Variants in GABRB1 observed in about 807,000 individuals in gnomAD.
The protein encoded by GABRB1 is gamma-aminobutyric acid type A receptor subunit beta1.
Under a neutral mutation model 51.6 loss-of-function variants are expected in GABRB1, and 17 were observed. The ratio of observed to expected loss-of-function variants is 0.33; its 90% confidence interval spans 0.23 to 0.49. The LOEUF is 0.49. GABRB1 is among the 20% of genes least tolerant of loss of function. The pLI is 0.99. For missense variants in GABRB1, 410 were observed against 600.6 expected, an observed-to-expected ratio of 0.68 and a Z score of 3.32; for synonymous variants, 247 against 218.9, an observed-to-expected ratio of 1.13 and a Z score of -1.14.
chr4:47,402,959 T>C (rs967659709), intron 5 of GABRB1, among the ~76,000 whole-genome samples: 3 of 152,240 alleles, frequency 2.0e-5, no homozygotes, highest in African/African-American at 7.2e-5. Flanking sequence ...TGTGCTATTG[T>C]TGTTGTTAAG....
chr4:47,286,667 G>A (rs568735758), intron 4 of GABRB1, among the ~76,000 whole-genome samples: 2 of 152,254 alleles, frequency 1.3e-5, no homozygotes, highest in East Asian at 1.9e-4. Context: ...AGCTTATGAG[G>A]TATAGGTAAA....
chr4:47,107,747 T>A (rs1462309925), intron 3 of GABRB1, among the ~76,000 whole-genome samples: 1 of 152,024 alleles, frequency 6.6e-6, no homozygotes, highest in Admixed American at 6.6e-5. Context: ...GGAAAATCAA[T>A]CTGGAGAAAA....
chr4:47,327,267 G>T (rs1051137021), intron 5 of GABRB1, among the ~76,000 whole-genome samples: 1 of 150,894 alleles, frequency 6.6e-6, no homozygotes, highest in Non-Finnish European at 1.5e-5. Flanking sequence ...GAGCTGGGAG[G>T]ATCACTTGAC....
intron 8 of GABRB1, among the ~76,000 whole-genome samples, chr4:47,421,147 A>T (rs921766124): frequency 6.6e-6 from 1 of 151,030 alleles, no homozygotes; most frequent in Middle Eastern, 3.2e-3. Flanking sequence ...TAGTTGCAGA[A>T]CTAGATCCAT....
intron 4 of GABRB1, among the ~76,000 whole-genome samples, chr4:47,173,501 T>A (rs915205290): frequency 2.0e-5 from 3 of 152,196 alleles, no homozygotes; most frequent in African/African-American, 7.2e-5. Flanking sequence ...CAAGGCTTAA[T>A]GGCACAAAAA....
intron 4 of GABRB1, among the ~76,000 whole-genome samples, chr4:47,173,540 T>C (rs143025176): frequency 1.1e-4 from 16 of 152,302 alleles, no homozygotes; most frequent in African/African-American, 3.4e-4. Context: ...ATTAAAATTA[T>C]TCATTAAATG....
At chr4:47,176,791 A>C (rs1391410138) in intron 4 of GABRB1, among the ~76,000 whole-genome samples, 3 of 152,170 alleles carry the variant, frequency 2.0e-5, no homozygotes, top group Non-Finnish European at 4.4e-5. Context: ...TGGACCATTC[A>C]TTCTTCATAA....
Position 47,408,563 on chromosome 4 carries a change from G to A in GABRB1, c.1080+1637G>A, listed in dbSNP as rs572534716. 3.5e-3 allele frequency among the ~76,000 whole-genome samples: 529 copies of A among 152,264 alleles called. 1 individual carries two copies. The highest frequency in any genetic ancestry group is 6.0e-3 in the Non-Finnish European group (411 of 68,014). Reference sequence around the variant, plus strand: ...CTTTGTGTGAGGCACTATGTTCAGCGCTATGGGGAGAGAAGTAGACAAGAT... The same window carrying A: ...CTTTGTGTGAGGCACTATGTTCAGCACTATGGGGAGAGAAGTAGACAAGAT... On this transcript the variant is annotated intron_variant, in intron 8 of 8. Coordinates refer to ENST00000295454, the MANE Select transcript of GABRB1 (RefSeq NM_000812.4).
chr4:47,297,438 C>T (rs1248505403), intron 4 of GABRB1, among the ~76,000 whole-genome samples: 1 of 151,638 alleles, frequency 6.6e-6, no homozygotes, highest in Non-Finnish European at 1.5e-5. Context: ...CACCACCAAT[C>T]CCACAGAAAT....
intron 3 of GABRB1, among the ~76,000 whole-genome samples, chr4:47,056,580 C>G (rs1244438835): frequency 6.6e-6 from 1 of 152,034 alleles, no homozygotes; most frequent in Non-Finnish European, 1.5e-5. Flanking sequence ...AATACACATA[C>G]AAATGGACAA....
intron 4 of GABRB1, among the ~76,000 whole-genome samples, chr4:47,203,239 T>C (rs1719960969): frequency 6.6e-6 from 1 of 152,176 alleles, no homozygotes; most frequent in Non-Finnish European, 1.5e-5. Context: ...TTTAGGGCAT[T>C]CAATGACTAT....
chr4:47,426,194 CA>C lies in GABRB1; in HGVS notation c.*186del, dbSNP rs111359296. On this transcript the variant is annotated 3_prime_UTR_variant, in exon 9 of 9. Coordinates refer to ENST00000295454, the MANE Select transcript of GABRB1 (RefSeq NM_000812.4). ...CCATGTTTACTTCAAAAAGACAAAA[CA>C]AAAAAAAAATTATTTTTCCAGTCTA... The C allele has an allele frequency of 3.7e-3, 1,684 of 449,926 alleles. 8 individuals carry two copies. The highest frequency in any genetic ancestry group is 0.013 in the African/African-American group (624 of 48,102). The allele number at this position is 449,926 out of a possible 1,614,324, so 27.9% of individuals were successfully genotyped here.
chr4:47,060,541 T>C (rs1209940944), intron 3 of GABRB1, among the ~76,000 whole-genome samples: 1 of 152,140 alleles, frequency 6.6e-6, no homozygotes, highest in African/African-American at 2.4e-5. Flanking sequence ...AGCAAATAAT[T>C]ATAAAGATAG....
chr4:47,383,201 G>A (rs1009695387), intron 5 of GABRB1, among the ~76,000 whole-genome samples: 1 of 152,154 alleles, frequency 6.6e-6, no homozygotes, highest in Non-Finnish European at 1.5e-5. Flanking sequence ...ATTCTAGAGA[G>A]GATCCAAAAA....
At chr4:47,181,258 T>C (rs1462019402) in intron 4 of GABRB1, among the ~76,000 whole-genome samples, 1 of 152,066 alleles carries the variant, frequency 6.6e-6, no homozygotes, top group African/African-American at 2.4e-5. Context: ...TTCTTCAACT[T>C]AATGTTTGTT....
intron 3 of GABRB1, among the ~76,000 whole-genome samples, chr4:47,094,821 G>A (rs1429427698): frequency 6.6e-6 from 1 of 151,860 alleles, no homozygotes; most frequent in African/African-American, 2.4e-5. Context: ...TACAAAACAG[G>A]TACAAAGACT....
At chr4:47,161,155 T>G (rs1717939158) in intron 3 of GABRB1, 94 bp from the exon 4 acceptor site, 1 of 844,906 alleles carries the variant, frequency 1.2e-6, no homozygotes, top group African/African-American at 1.7e-5. Flanking sequence ...TATATTCAAA[T>G]GTAATCTCTT....
At position 47,119,662 on chromosome 4, in the gene GABRB1, C is replaced by T. The variant is rs913809975; in HGVS notation, c.241-41587C>T. ...TAGCTGGGATTACATGCATGCACCA[C>T]CACACCCAGCTAATTTTGTATTTTT... On this transcript the variant is annotated intron_variant, in intron 3 of 8. Coordinates refer to ENST00000295454, the MANE Select transcript of GABRB1 (RefSeq NM_000812.4). 4.6e-5 allele frequency among the ~76,000 whole-genome samples: 7 copies of T among 152,060 alleles called. No homozygotes were observed. The East Asian group carries it at 1.3e-3, about 29-fold the overall frequency.
chr4:47,180,097 G>C (rs966137990), intron 4 of GABRB1, among the ~76,000 whole-genome samples: 1 of 151,628 alleles, frequency 6.6e-6, no homozygotes, highest in Non-Finnish European at 1.5e-5. Flanking sequence ...CAAAATAGTA[G>C]CACAGCAGCA....
Sources: allele counts gnomAD v4.1 joint callset (sites outside exome capture counted in the v4.1 genomes callset), GRCh38; gene constraint gnomAD v4.1.1; transcripts MANE v1.5; gene names NCBI Gene and HGNC (gene_info 2026-07-23, HGNC 2026-07-21).